Variants in USP37 observed in about 807,000 individuals in gnomAD.
USP37 encodes ubiquitin specific peptidase 37.
In USP37, 27 loss-of-function variants were observed where a neutral mutation model predicts 124.0. The ratio of observed to expected loss-of-function variants is 0.22; its 90% CI spans 0.16 to 0.30. The LOEUF (loss-of-function observed/expected upper bound fraction) is 0.30, where lower values mean the gene tolerates loss of function less well. Ranked by LOEUF, USP37 falls within the 10% of genes least tolerant of loss-of-function variation. The pLI is 1.00. For missense variants in USP37, 889 were observed against 1,140.4 expected (o/e 0.78, Z 3.17); for synonymous variants, 365 against 388.0 (o/e 0.94, Z 0.70).
chr2:218,558,982 T>C (rs552579705), intron 3 of USP37, among the ~76,000 whole-genome samples: 1 of 146,092 alleles, frequency 6.8e-6, no homozygotes, highest in South Asian at 2.3e-4. Flanking sequence ...CTAATGGGTC[T>C]GGATTTCCAA....
intron 20 of USP37, among the ~76,000 whole-genome samples, chr2:218,470,487 A>G (rs1443341540): frequency 6.6e-6 from 1 of 152,188 alleles, no homozygotes; most frequent in African/African-American, 2.4e-5. Context: ...ATAAATCCTT[A>G]TCAAATAATT....
chr2:218,500,543 A>G (rs1397545131), intron 11 of USP37, among the ~76,000 whole-genome samples: 2 of 151,870 alleles, frequency 1.3e-5, no homozygotes, highest in East Asian at 1.9e-4. Flanking sequence ...CACCGTGCCC[A>G]GCCTGTATTT....
At position 218,482,931 on chromosome 2, in the gene USP37, C is replaced by T. The variant is rs1691341179; in HGVS notation, c.1671-697G>A. ...TGGATTAAATATATTTCTCAACCCA[C>T]AAGAACACTTTAAAAATTGAATTTC... On this transcript the variant is annotated intron_variant, in intron 16 of 25. Coordinates refer to ENST00000258399, the MANE Select transcript of USP37 (RefSeq NM_020935.3). Among the ~76,000 whole-genome samples, 3 of 152,216 alleles carry T rather than the reference C, an allele frequency of 2.0e-5. No individual in the cohort carries two copies. In the South Asian group the frequency reaches 6.2e-4, roughly 32 times the overall value.
intron 10 of USP37, among the ~76,000 whole-genome samples, chr2:218,526,812 G>C (rs1198794183): frequency 9.8e-5 from 4 of 40,752 alleles, no homozygotes; most frequent in African/African-American, 3.1e-4. Context: ...TTTTTGGGAC[G>C]GAGTCTTGCT....
At chr2:218,487,694 C>G (rs1239482158) in intron 15 of USP37, among the ~76,000 whole-genome samples, 1 of 151,926 alleles carries the variant, frequency 6.6e-6, no homozygotes, top group African/African-American at 2.4e-5. Context: ...GCTGGGATTA[C>G]AGGTGTGAGC....
Position 218,517,491 on chromosome 2 carries a change from A to AT in USP37, c.864-7352dup, listed in dbSNP as rs1470177240. Among the ~76,000 whole-genome samples the AT allele has an allele frequency of 3.3e-5, 5 of 152,306 alleles. No homozygotes were observed. In the East Asian group the frequency reaches 9.6e-4, roughly 29 times the overall value. ...TTCACCTTTACTTCGAAACTATAGG[A>AT]TATTTTCACAGCAAATAAAATTCTA... On this transcript the variant is annotated intron_variant, in intron 10 of 25. Transcript: ENST00000258399.
intron 11 of USP37, among the ~76,000 whole-genome samples, chr2:218,506,605 C>CTTT (rs35770553): frequency 7.3e-6 from 1 of 136,266 alleles, no homozygotes; most frequent in Admixed American, 7.4e-5. Flanking sequence ...TTTTATACTT[C>CTTT]TTTTTTTTTT....
chr2:218,472,586 C>T (rs1035942673), intron 20 of USP37, among the ~76,000 whole-genome samples: 3 of 151,990 alleles, frequency 2.0e-5, no homozygotes, highest in African/African-American at 2.4e-5. Context: ...TCTGCCTCAG[C>T]CTCCCAAGTA....
intron 5 of USP37, among the ~76,000 whole-genome samples, chr2:218,551,888 G>A (rs1692680390): frequency 6.6e-6 from 1 of 152,016 alleles, no homozygotes; most frequent in South Asian, 2.1e-4. Context: ...TGCCTCCCGG[G>A]TTCACGCCAT....
In USP37 at chr2:218,476,994, G is replaced by GA. The variant is rs749854807; in HGVS notation, c.1902-14dup. 21,469 of 1,031,704 alleles carry GA rather than the reference G, an allele frequency of 0.021. No individual in the cohort carries two copies. Among genetic ancestry groups the GA allele is most frequent in the South Asian group, 0.035 (1,753 of 49,702 alleles). The allele number at this position is 1,031,704 out of a possible 1,614,324, so 63.9% of individuals were successfully genotyped here. ...GAAGGTGAATTTCCTGTAATTTAAG[G>GA]AAAAAAAAAAAAGCCTGATAAACAT... On this transcript the variant is annotated splice_polypyrimidine_tract_variant and intron_variant, in intron 18 of 25. Transcript: ENST00000258399.
intron 8 of USP37, among the ~76,000 whole-genome samples, chr2:218,542,870 C>T (rs1692066161): frequency 6.6e-6 from 1 of 152,152 alleles, no homozygotes; most frequent in African/African-American, 2.4e-5. Flanking sequence ...TTCAACTAGA[C>T]CTTGAATATA....
At chr2:218,469,567 CAAT>C (rs1201475562) in intron 20 of USP37, among the ~76,000 whole-genome samples, 3 of 152,024 alleles carry the variant, frequency 2.0e-5, no homozygotes, top group Admixed American at 6.6e-5. Flanking sequence ...TTTGAACACT[CAAT>C]GATTCAATGT....
At chr2:218,555,504 T>C (rs1032672061) in intron 4 of USP37, among the ~76,000 whole-genome samples, 3 of 152,200 alleles carry the variant, frequency 2.0e-5, no homozygotes, top group Non-Finnish European at 2.9e-5. Flanking sequence ...AGCAGTTTAG[T>C]ATGCAAAAGG....
chr2:218,515,922 A>G (rs534930573), intron 10 of USP37, among the ~76,000 whole-genome samples: 1 of 150,228 alleles, frequency 6.7e-6, no homozygotes, highest in Admixed American at 6.7e-5. Flanking sequence ...TTATGCGGCT[A>G]ACAAACGTGA....
At chr2:218,484,622 AAAAC>A (rs1691447897) in intron 16 of USP37, among the ~76,000 whole-genome samples, 1 of 88,454 alleles carries the variant, frequency 1.1e-5, no homozygotes, top group African/African-American at 5.0e-5. Flanking sequence ...ACTCTGTATC[AAAAC>A]AACAACAACA....
Position 218,450,685 on chromosome 2 carries a change from G to C in USP37, c.*4245C>G, listed in dbSNP as rs548725085. Reference sequence around the variant, plus strand: ...GGCCCACTATTTTTGAAGTAGACCAGTTTAGTTGACTGTTCTTCTTTGTTC... The same window carrying C: ...GGCCCACTATTTTTGAAGTAGACCACTTTAGTTGACTGTTCTTCTTTGTTC... On this transcript the variant is annotated 3_prime_UTR_variant, in exon 26 of 26. Transcript: ENST00000258399. The C allele has an allele frequency of 1.3e-5, 2 of 152,410 alleles. No individual in the cohort carries two copies. The highest frequency in any genetic ancestry group is 4.8e-5 in the African/African-American group (2 of 41,572). 9.4% of individuals were successfully genotyped at this position (152,410 alleles called of 1,614,324 possible). A position where few individuals can be genotyped will look rare whatever the true frequency, so the allele number is the denominator to read the frequency against.
Position 218,476,911 on chromosome 2 carries a change from G to GT in USP37, c.1971dup (p.Arg658ThrfsTer11). ...AGTCTCTGGCTGAGGGCCACAGAAC[G>GT]TTTTAGCTCATCCTCACTGTCTGAA... On this transcript the variant is annotated frameshift_variant, in exon 19 of 26. Coordinates refer to ENST00000258399, the MANE Select transcript of USP37 (RefSeq NM_020935.3). LOFTEE classifies it high-confidence loss of function. 6.2e-7 allele frequency: 1 copy of GT among 1,609,486 alleles called. No individual in the cohort carries two copies. The highest frequency in any genetic ancestry group is 8.5e-7 in the Non-Finnish European group (1 of 1,178,176).
rs574056402 is a variant in USP37, at chr2:218,563,926, C to G, written c.-229-1113G>C. On this transcript the variant is annotated intron_variant, in intron 1 of 25. Coordinates refer to ENST00000258399, the MANE Select transcript of USP37 (RefSeq NM_020935.3). ...TTCTCACTAAAAATACAAAATTTAG[C>G]TGGGTGTGGTGGCACACACCTGTAG... 9.9e-4 allele frequency among the ~76,000 whole-genome samples: 151 copies of G among 152,200 alleles called. 2 individuals carry two copies. The highest frequency in any genetic ancestry group is 3.4e-3 in the African/African-American group (143 of 41,550).
intron 10 of USP37, among the ~76,000 whole-genome samples, chr2:218,529,263 T>C (rs751548994): frequency 2.0e-5 from 3 of 152,176 alleles, no homozygotes; most frequent in Non-Finnish European, 4.4e-5. Flanking sequence ...CCCAACACTT[T>C]GGGAGGCCAA....
Sources: gnomAD v4.1 joint callset for allele counts (sites outside exome capture counted in the v4.1 genomes callset) on GRCh38, gnomAD v4.1.1 for gene constraint, MANE v1.5 for transcripts, NCBI Gene and HGNC (gene_info 2026-07-23, HGNC 2026-07-21) for gene names.